The following HELZ variants were observed in gnomAD, a reference collection of about 807,000 sequenced individuals.
The protein encoded by HELZ is ATP-dependent RNA helicase with zinc finger domain.
A neutral mutation model predicts 218.2 loss-of-function variants in HELZ; 23 were observed. That is an observed-to-expected ratio of 0.11 (90% CI 0.08 to 0.15). HELZ has a LOEUF of 0.15. Among genes scored for constraint, HELZ ranks in the 10% least tolerant of loss-of-function variants. The pLI is 1.00. For synonymous variants in HELZ, 814 were observed against 829.4 expected (o/e 0.98, Z 0.32); for missense variants, 1,813 against 2,353.7 (o/e 0.77, Z 4.75).
In HELZ at chr17:67,234,058, A is replaced by G. The variant is rs552032292; in HGVS notation, c.-19+5375T>C. ...GACTCCATCTCAAAAAAAAAAAAAAAAAGAGAGAGAGAGAGAGAACTTTGG... is the reference window on the plus strand; with the variant it reads ...GACTCCATCTCAAAAAAAAAAAAAAGAAGAGAGAGAGAGAGAGAACTTTGG... On this transcript the variant is annotated intron_variant, in intron 3 of 32. Coordinates refer to ENST00000358691, the MANE Select transcript of HELZ (RefSeq NM_014877.4). Among the ~76,000 whole-genome samples, 4 of 151,012 alleles carry G rather than the reference A, an allele frequency of 2.6e-5. No homozygotes were observed. In the South Asian group the frequency reaches 8.4e-4, roughly 32 times the overall value.
chr17:67,183,740 A>C (rs1342164555), intron 12 of HELZ, among the ~76,000 whole-genome samples: 2 of 152,214 alleles, frequency 1.3e-5, no homozygotes, highest in African/African-American at 4.8e-5. Context: ...GGGATAACTC[A>C]CTAGCTTCCT....
Position 67,107,416 on chromosome 17 carries a change from G to A in HELZ, c.4994C>T (p.Pro1665Leu). The change falls in exon 31 of 33, where the codon CCA (proline) becomes CTA (leucine). Residue 1665 changes from proline (P) to leucine (L), a missense_variant. This residue lies in a region of HELZ where 938 missense variants were observed against 1,027.5 expected (regional missense o/e 0.91). Coordinates refer to ENST00000358691, the MANE Select transcript of HELZ (RefSeq NM_014877.4). ...PQIFNSPFSLPSEHLAPPPLK... is the reference protein window; with the variant it reads ...PQIFNSPFSLLSEHLAPPPLK... ...GGGAGGAGGGGCAAGGTGTTCAGAT[G>A]GCAACGAGAAAGGTGAGTTGAATAT... is the stretch of plus-strand genomic sequence containing the variant. The A allele has an allele frequency of 6.2e-7, 1 of 1,614,186 alleles. No homozygotes were observed. The highest frequency in any genetic ancestry group is 8.5e-7 in the Non-Finnish European group (1 of 1,180,036).
rs371826234 is a variant in HELZ, at chr17:67,160,979, G to C, written c.1993C>G (p.Leu665Val). 1 of 1,613,816 alleles carries C rather than the reference G, an allele frequency of 6.2e-7. No homozygotes were observed. Among genetic ancestry groups the C allele is most frequent in the Non-Finnish European group, 8.5e-7 (1 of 1,179,844 alleles). Residue 665 changes from leucine to valine, a missense_variant, in exon 16 of 33, where the codon CTT becomes GTT. Physicochemically the swap from Leu to Val is conservative, Grantham distance 32 (BLOSUM62 1). Around this residue, in one of 4 missense-constraint regions of HELZ, gnomAD observed 714 missense variants for 1,029.2 expected, o/e 0.69. Coordinates refer to ENST00000358691, the MANE Select transcript of HELZ (RefSeq NM_014877.4). ...CCTGTCCCATAGGGTCCGATGATAAGCACAGGCGGCAGCTGGATTGCAAGT... is the reference window on the plus strand; with the variant it reads ...CCTGTCCCATAGGGTCCGATGATAACCACAGGCGGCAGCTGGATTGCAAGT... ...TPLAIQLPPV[L>V]IIGPYGTGKT...
At chr17:67,180,488 A>T (rs1485191945) in intron 12 of HELZ, among the ~76,000 whole-genome samples, 1 of 152,118 alleles carries the variant, frequency 6.6e-6, no homozygotes, top group Non-Finnish European at 1.5e-5. Flanking sequence ...TCACGCCTAT[A>T]ATCCTGGTAC....
chr17:67,118,692 CAAA>C (rs142101119), intron 27 of HELZ, among the ~76,000 whole-genome samples: 4 of 44,912 alleles, frequency 8.9e-5, no homozygotes, highest in East Asian at 7.6e-4. Context: ...CTTTAAAAGG[CAAA>C]AAAAAAAAAA....
intron 15 of HELZ, among the ~76,000 whole-genome samples, chr17:67,161,402 A>G (rs960387539): frequency 2.0e-5 from 3 of 152,210 alleles, no homozygotes; most frequent in Non-Finnish European, 4.4e-5. Context: ...TCAAAAATGT[A>G]ATTTCCCTCT....
At chr17:67,216,733 C>T (rs1490938733) in intron 4 of HELZ, among the ~76,000 whole-genome samples, 2 of 152,118 alleles carry the variant, frequency 1.3e-5, no homozygotes, top group Admixed American at 1.3e-4. Flanking sequence ...CCATGTGGAC[C>T]CACACGATTC....
At chr17:67,115,793 C>A (rs1598256052) in intron 27 of HELZ, among the ~76,000 whole-genome samples, 1 of 152,008 alleles carries the variant, frequency 6.6e-6, no homozygotes, top group East Asian at 1.9e-4. Flanking sequence ...AGGAGACCTG[C>A]AATACAACAA....
intron 12 of HELZ, among the ~76,000 whole-genome samples, chr17:67,183,946 A>G: frequency 6.6e-6 from 1 of 151,942 alleles, no homozygotes; most frequent in East Asian, 1.9e-4. Context: ...GAAAAAAAAT[A>G]TTTGTTCATG....
At chr17:67,186,278 A>G (rs866500979) in intron 12 of HELZ, among the ~76,000 whole-genome samples, 5 of 152,298 alleles carry the variant, frequency 3.3e-5, no homozygotes, top group South Asian at 2.1e-4. Context: ...AACGTCTACT[A>G]TGAGCCTGAT....
intron 7 of HELZ, 123 bp downstream of exon 7, chr17:67,201,006 G>A: frequency 1.3e-6 from 1 of 777,668 alleles, no homozygotes; most frequent in Non-Finnish European, 2.3e-6. Flanking sequence ...CAGTCCCACT[G>A]CCCCACCTTC....
In HELZ at chr17:67,161,088, A is replaced by G. The variant is rs527428262; in HGVS notation, c.1896-12T>C. On this transcript the variant is annotated splice_polypyrimidine_tract_variant and intron_variant, in intron 15 of 32. Coordinates refer to ENST00000358691, the MANE Select transcript of HELZ (RefSeq NM_014877.4). The stretch of plus-strand genomic sequence containing the variant: ...GTTCATCCCATTGTCTATGGAAAAT[A>G]AAAATTTATGTTAAACACATGCATC... The G allele has an allele frequency of 6.3e-7, 1 of 1,579,338 alleles. No homozygotes were observed. Among genetic ancestry groups the G allele is most frequent in the Admixed American group, 1.8e-5 (1 of 54,230 alleles).
intron 31 of HELZ, among the ~76,000 whole-genome samples, chr17:67,106,629 T>C (rs1371176468): frequency 6.6e-6 from 1 of 152,196 alleles, no homozygotes; most frequent in Non-Finnish European, 1.5e-5. Context: ...TATTTTAAGA[T>C]AAAATTCAGT....
At chr17:67,164,440 G>A (rs1029121159) in intron 15 of HELZ, among the ~76,000 whole-genome samples, 2 of 152,132 alleles carry the variant, frequency 1.3e-5, no homozygotes, top group Non-Finnish European at 2.9e-5. Flanking sequence ...ACTTAAAGAG[G>A]AGGCAAGGCT....
chr17:67,212,490 A>G (rs1439831145), intron 5 of HELZ, among the ~76,000 whole-genome samples: 1 of 152,014 alleles, frequency 6.6e-6, no homozygotes, highest in East Asian at 1.9e-4. Flanking sequence ...CTGTCTAACC[A>G]TAGTACTTCA....
At chr17:67,085,224 G>A (rs1283964772) in intron 32 of HELZ, among the ~76,000 whole-genome samples, 1 of 152,100 alleles carries the variant, frequency 6.6e-6, no homozygotes, top group Admixed American at 6.5e-5. Context: ...TTTGAGACCA[G>A]CCTGGGAAAC....
intron 31 of HELZ, among the ~76,000 whole-genome samples, chr17:67,103,988 T>C (rs935015824): frequency 6.6e-6 from 1 of 152,106 alleles, no homozygotes; most frequent in African/African-American, 2.4e-5. Context: ...GACTATTCAA[T>C]GGGGGAAAGG....
At chr17:67,166,131 A>G (rs753324434) in intron 15 of HELZ, among the ~76,000 whole-genome samples, 2 of 152,042 alleles carry the variant, frequency 1.3e-5, no homozygotes, top group East Asian at 3.8e-4. Flanking sequence ...CAAGACCCCA[A>G]CTCTAAATAA....
chr17:67,092,549 C>G (rs2036603194), intron 31 of HELZ, among the ~76,000 whole-genome samples: 2 of 152,084 alleles, frequency 1.3e-5, no homozygotes, highest in Admixed American at 6.5e-5. Flanking sequence ...GACAGACAAG[C>G]AAAAATCCGG....
Sources: allele counts gnomAD v4.1 joint callset (sites outside exome capture counted in the v4.1 genomes callset), GRCh38; gene constraint gnomAD v4.1.1; regional missense constraint gnomAD v4.1.1; transcripts MANE v1.5; gene names NCBI Gene and HGNC (gene_info 2026-07-23, HGNC 2026-07-21).